The following PTGR3 variants were observed in gnomAD, a reference collection of about 807,000 sequenced individuals.
PTGR3 encodes zinc binding alcohol dehydrogenase domain containing 2.
At chr18:75,201,732 G>A in the PTGR3 span, 9 of 1,614,240 alleles carry the variant, frequency 5.6e-6, no homozygotes, top group Non-Finnish European at 7.6e-6. Flanking sequence ...TTGGTAGCCA[G>A]AGATAAACCC....
At chr18:75,198,281 A>G in the PTGR3 span, 1 of 152,222 alleles carries the variant, frequency 6.6e-6, no homozygotes, top group Non-Finnish European at 1.5e-5. Context: ...TACTGAGGAC[A>G]TTACATCCTC....
chr18:75,201,134 C>T, the PTGR3 span: 1 of 392,686 alleles, frequency 2.5e-6, no homozygotes. Flanking sequence ...AATTTAGTTC[C>T]CTGGAACAAT....
the PTGR3 span, chr18:75,202,289 G>C: frequency 6.2e-7 from 1 of 1,614,064 alleles, no homozygotes; most frequent in South Asian, 1.1e-5. Context: ...TAACTGAGGG[G>C]TCATAGCGGC....
chr18:75,204,441 C>A, the PTGR3 span, among the ~76,000 whole-genome samples: 3 of 152,236 alleles, frequency 2.0e-5, no homozygotes, highest in African/African-American at 7.2e-5. Context: ...CAGCCAGCGG[C>A]TGCTTGAGTT....
the PTGR3 span, chr18:75,205,350 G>C: frequency 1.0e-6 from 1 of 984,372 alleles, no homozygotes; most frequent in Non-Finnish European, 1.2e-6. Flanking sequence ...AAGGATTCGC[G>C]CATTTGGAGA....
At chr18:75,204,389 A>T in the PTGR3 span, among the ~76,000 whole-genome samples, 1 of 152,120 alleles carries the variant, frequency 6.6e-6, no homozygotes, top group South Asian at 2.1e-4. Context: ...CAAGTTTGGG[A>T]GGGGGGAGTG....
At chr18:75,201,899 G>A in the PTGR3 span, 1 of 1,614,158 alleles carries the variant, frequency 6.2e-7, no homozygotes, top group Non-Finnish European at 8.5e-7. Flanking sequence ...GACGATCACA[G>A]CCAAGAGATT....
chr18:75,205,552 A>C, the PTGR3 span: 1 of 922,934 alleles, frequency 1.1e-6, no homozygotes, highest in Non-Finnish European at 1.3e-6. Flanking sequence ...TGTACTTAAA[A>C]AGTGCTAAAC....
the PTGR3 span, chr18:75,200,061 G>A: frequency 2.0e-5 from 3 of 152,414 alleles, 1 homozygote; most frequent in Middle Eastern, 0.01. Flanking sequence ...ATTTCCTAGA[G>A]CATCTTTAAT....
chr18:75,201,156 C>T, the PTGR3 span: 5 of 447,450 alleles, frequency 1.1e-5, no homozygotes, highest in Middle Eastern at 5.8e-4. Context: ...ACATCTGGAA[C>T]GAGACCATCC....
chr18:75,204,087 C>A, the PTGR3 span, among the ~76,000 whole-genome samples: 6 of 152,372 alleles, frequency 3.9e-5, no homozygotes, highest in African/African-American at 1.4e-4. Context: ...CTTCATCCCT[C>A]CCAGTTTGTC....
the PTGR3 span, chr18:75,195,935 G>C: frequency 6.6e-6 from 1 of 152,096 alleles, no homozygotes; most frequent in South Asian, 2.1e-4. Flanking sequence ...AACACAAATT[G>C]AGTCTTCTCA....
the PTGR3 span, chr18:75,195,911 C>A: frequency 1.3e-5 from 2 of 152,072 alleles, no homozygotes; most frequent in African/African-American, 4.8e-5. Flanking sequence ...AAGACCCTTT[C>A]TCAAAAAAAC....
the PTGR3 span, chr18:75,208,485 CTG>C: frequency 3.9e-6 from 4 of 1,031,410 alleles, no homozygotes; most frequent in Non-Finnish European, 4.6e-6. Context: ...AACGCAGGAA[CTG>C]TGGGTGCGCG....
chr18:75,207,664 G>A, the PTGR3 span, among the ~76,000 whole-genome samples: 1 of 122,692 alleles, frequency 8.2e-6, no homozygotes, highest in Non-Finnish European at 1.6e-5. Context: ...CTTCCCAAAA[G>A]GTTTCCAAAA....
chr18:75,203,366 AG>A, the PTGR3 span, among the ~76,000 whole-genome samples: 1 of 152,226 alleles, frequency 6.6e-6, no homozygotes, highest in Non-Finnish European at 1.5e-5. Context: ...AAAAGGTAAT[AG>A]TAACTGGTGG....
the PTGR3 span, chr18:75,202,212 G>A: frequency 1.2e-6 from 2 of 1,614,162 alleles, no homozygotes; most frequent in Non-Finnish European, 1.7e-6. Flanking sequence ...TGTGTATCTG[G>A]CACTAGCAGA....
At chr18:75,207,237 A>G in the PTGR3 span, among the ~76,000 whole-genome samples, 2 of 152,098 alleles carry the variant, frequency 1.3e-5, no homozygotes, top group Non-Finnish European at 2.9e-5. Flanking sequence ...CCCATATCAC[A>G]CCATTTCCAA....
chr18:75,202,180 T>C, the PTGR3 span: 10 of 1,614,028 alleles, frequency 6.2e-6, 1 homozygote, highest in East Asian at 2.0e-4. Context: ...CCAGGTGCCA[T>C]GTAAGCCACA....
Sources: allele counts gnomAD v4.1 joint callset (sites outside exome capture counted in the v4.1 genomes callset), GRCh38; gene constraint gnomAD v4.1.1; transcripts MANE v1.5; gene names NCBI Gene and HGNC (gene_info 2026-07-23, HGNC 2026-07-21).